The following NET1 variants were observed in gnomAD, a reference collection of about 807,000 sequenced individuals.
The protein encoded by NET1 is neuroepithelial cell transforming 1, also known as neuroepithelial cell-transforming gene 1 protein.
Under a neutral mutation model 61.1 loss-of-function variants are expected in NET1, and 42 were observed. The ratio of observed to expected loss-of-function variants is 0.69; its 90% confidence interval spans 0.54 to 0.89. NET1 has a LOEUF of 0.89. NET1 is among the 40% of genes least tolerant of loss of function. NET1 has a pLI of 0.00. For synonymous variants in NET1, 254 were observed against 281.8 expected (o/e 0.90, Z 0.99); for missense variants, 654 against 747.3 (o/e 0.88, Z 1.46).
rs901972536 is a variant in NET1, at chr10:5,426,818, G to A, written c.195+97G>A. 16 of 717,830 alleles carry A rather than the reference G, an allele frequency of 2.2e-5. No homozygotes were observed. The highest frequency in any genetic ancestry group is 5.5e-5 in the African/African-American group (3 of 54,874). 44.5% of individuals were successfully genotyped at this position (717,830 alleles called of 1,614,324 possible). A position where few individuals can be genotyped will look rare whatever the true frequency, so the allele number is the denominator to read the frequency against. ...ACACAGATCAGTGGTCCTTACTTCT[G>A]AGGGTCTTGAGGAACAGAATTCCTG... On this transcript the variant is annotated intron_variant, in intron 2 of 11. Coordinates refer to ENST00000355029, the MANE Select transcript of NET1 (RefSeq NM_001047160.3). This position sits in a 1 kb window ranked among gnomAD's most constrained non-coding sequence, Gnocchi z 4.6.
At chr10:5,413,178 C>T (rs1222315114) in intron 1 of NET1, among the ~76,000 whole-genome samples, 1 of 152,124 alleles carries the variant, frequency 6.6e-6, no homozygotes, top group Non-Finnish European at 1.5e-5. Context: ...TATTGAGTCT[C>T]CTCGCCTCCT....
At chr10:5,450,684 A>G (rs900992505) in intron 3 of NET1, among the ~76,000 whole-genome samples, 2 of 152,156 alleles carry the variant, frequency 1.3e-5, no homozygotes, top group African/African-American at 4.8e-5. Context: ...GTATGCCACA[A>G]TTGTCAGAAG....
intron 3 of NET1, among the ~76,000 whole-genome samples, chr10:5,448,767 A>T (rs1052772162): frequency 5.4e-5 from 8 of 149,366 alleles, no homozygotes; most frequent in African/African-American, 2.0e-4. Flanking sequence ...CAGGACTCCA[A>T]AGTAAAAAAT....
At chr10:5,445,379 G>A (rs2119201963) in intron 3 of NET1, among the ~76,000 whole-genome samples, 1 of 152,270 alleles carries the variant, frequency 6.6e-6, no homozygotes, top group East Asian at 1.9e-4. Flanking sequence ...ACACACCTTA[G>A]TTTTGAATTT....
Position 5,454,123 on chromosome 10 carries a change from C to T in NET1, c.769-142C>T, listed in dbSNP as rs1353612230. ...GATTGCTAAAATGCTATTCAGCTTC[C>T]ATTATTATCTGCCAGAAAATGTCCA... On this transcript the variant is annotated intron_variant, in intron 8 of 11. Transcript: ENST00000355029. The surrounding 1 kb of genome is among the most constrained non-coding windows in gnomAD (Gnocchi z 8.1). The T allele has an allele frequency of 4.3e-5, 37 of 859,676 alleles. No homozygotes were observed. The highest frequency in any genetic ancestry group is 6.7e-5 in the Non-Finnish European group (37 of 554,016). 53.3% of individuals were successfully genotyped at this position (859,676 alleles called of 1,614,324 possible). A position where few individuals can be genotyped will look rare whatever the true frequency, so the allele number is the denominator to read the frequency against.
chr10:5,445,686 T>C (rs1210596349), intron 3 of NET1, among the ~76,000 whole-genome samples: 1 of 152,214 alleles, frequency 6.6e-6, no homozygotes. Flanking sequence ...GTAGTGTTGT[T>C]CCATAGAGGA....
Position 5,446,550 on chromosome 10 carries a change from C to T in NET1, c.256-5280C>T. The T allele has an allele frequency of 8.7e-7, 1 of 1,151,918 alleles. No homozygotes were observed. The highest frequency in any genetic ancestry group is 1.1e-6 in the Non-Finnish European group (1 of 937,436). 71.4% of individuals were successfully genotyped at this position (1,151,918 alleles called of 1,614,324 possible). On this transcript the variant is annotated intron_variant, in intron 3 of 11. Transcript: ENST00000355029. The surrounding 1 kb of genome is among the most constrained non-coding windows in gnomAD (Gnocchi z 5.0). ...GGTGGTGGACCCCGCCCCCAGGGCC[C>T]GGTTGGCTGTGGCCCCGCCCCCGAG... is the stretch of plus-strand genomic sequence containing the variant.
At chr10:5,428,983 C>G (rs1003857541) in intron 2 of NET1, among the ~76,000 whole-genome samples, 187 bp from the exon 3 acceptor site, 2 of 152,020 alleles carry the variant, frequency 1.3e-5, no homozygotes, top group African/African-American at 4.8e-5. Context: ...ATCCGCCCTC[C>G]TCAGCCTCCT....
In NET1 at chr10:5,412,877, C is replaced by G. The variant is rs1832020781; in HGVS notation, c.128+57C>G. ...AGGTGAGTGTAGGGGAGCGGAGGGC[C>G]GAACGGGAGGTGAGTGTTGGAGAGG... On this transcript the variant is annotated intron_variant, in intron 1 of 11. Coordinates refer to ENST00000355029, the MANE Select transcript of NET1 (RefSeq NM_001047160.3). This position sits in a 1 kb window ranked among gnomAD's most constrained non-coding sequence, Gnocchi z 6.5. 3.5e-6 allele frequency: 4 copies of G among 1,149,542 alleles called. No individual in the cohort carries two copies. Among genetic ancestry groups the G allele is most frequent in the Non-Finnish European group, 4.3e-6 (4 of 930,740 alleles). 71.2% of individuals were successfully genotyped at this position (1,149,542 alleles called of 1,614,324 possible).
rs968915737 is a variant in NET1, at chr10:5,444,050, C to T, written c.256-7780C>T. Reference sequence around the variant, plus strand: ...GTCTAGCCTAGGCTGTTCATATTAGCTCTGAGAATGTAGGTAGATCACTGT... The same window carrying T: ...GTCTAGCCTAGGCTGTTCATATTAGTTCTGAGAATGTAGGTAGATCACTGT... On this transcript the variant is annotated intron_variant, in intron 3 of 11. Coordinates refer to ENST00000355029, the MANE Select transcript of NET1 (RefSeq NM_001047160.3). The surrounding 1 kb of genome is among the most constrained non-coding windows in gnomAD (Gnocchi z 5.3). Among the ~76,000 whole-genome samples, 1 of 152,200 alleles carries T rather than the reference C, an allele frequency of 6.6e-6. No homozygotes were observed. The highest frequency in any genetic ancestry group is 2.4e-5 in the African/African-American group (1 of 41,444).
At chr10:5,442,816 G>C (rs1464559127) in intron 3 of NET1, among the ~76,000 whole-genome samples, 1 of 151,070 alleles carries the variant, frequency 6.6e-6, no homozygotes, top group African/African-American at 2.4e-5. Context: ...GGCAGAGGTT[G>C]CAGTGAGCTG....
At chr10:5,414,862 G>T (rs762777059) in intron 1 of NET1, among the ~76,000 whole-genome samples, 1 of 152,154 alleles carries the variant, frequency 6.6e-6, no homozygotes, top group African/African-American at 2.4e-5. Context: ...AGAATGGGGT[G>T]TGTTGTGAGC....
In NET1 at chr10:5,447,514, A is replaced by G. The variant is rs1680037699; in HGVS notation, c.256-4316A>G. Reference sequence around the variant, plus strand: ...TTCTGTTTATACTATATACTTTAATATATACTACATTGTCACTTATATGCT... The same window carrying G: ...TTCTGTTTATACTATATACTTTAATGTATACTACATTGTCACTTATATGCT... On this transcript the variant is annotated intron_variant, in intron 3 of 11. Coordinates refer to ENST00000355029, the MANE Select transcript of NET1 (RefSeq NM_001047160.3). The surrounding 1 kb of genome is among the most constrained non-coding windows in gnomAD (Gnocchi z 4.1). 6.6e-6 allele frequency among the ~76,000 whole-genome samples: 1 copy of G among 152,176 alleles called. No individual in the cohort carries two copies. Among genetic ancestry groups the G allele is most frequent in the Non-Finnish European group, 1.5e-5 (1 of 68,032 alleles).
chr10:5,419,014 G>T (rs1478845840), intron 1 of NET1, among the ~76,000 whole-genome samples: 1 of 152,026 alleles, frequency 6.6e-6, no homozygotes, highest in Non-Finnish European at 1.5e-5. Flanking sequence ...AATACACTTT[G>T]TATTATGTAT....
Position 5,454,683 on chromosome 10 carries a change from G to A in NET1, c.1026+161G>A, listed in dbSNP as rs1362530166. Among the ~76,000 whole-genome samples, 4 of 152,250 alleles carry A rather than the reference G, an allele frequency of 2.6e-5. No individual in the cohort carries two copies. In the East Asian group the frequency reaches 7.7e-4, roughly 29 times the overall value. On this transcript the variant is annotated intron_variant, in intron 9 of 11. Transcript: ENST00000355029. The surrounding 1 kb of genome is among the most constrained non-coding windows in gnomAD (Gnocchi z 8.1). The stretch of plus-strand genomic sequence containing the variant: ...TACGCTGTGCACTAAGCAATAAGGA[G>A]CTGTGTATGCTGGACTTCGCACATT...
rs1432995584 is a variant in NET1 at position 5,431,828 on chromosome 10, T to C, written c.255+2599T>C. ...TATGTTGGCCAGGAAGGCCTCAAAT[T>C]CCTAGTCTCAAGCAGTGCTCCTACC... On this transcript the variant is annotated intron_variant, in intron 3 of 11. Transcript: ENST00000355029. This position sits in a 1 kb window ranked among gnomAD's most constrained non-coding sequence, Gnocchi z 4.9. Among the ~76,000 whole-genome samples, 2 of 152,138 alleles carry C rather than the reference T, an allele frequency of 1.3e-5. No homozygotes were observed. The highest frequency in any genetic ancestry group is 2.9e-5 in the Non-Finnish European group (2 of 68,028).
At position 5,446,963 on chromosome 10, in the gene NET1, CTTA is replaced by C. The variant is rs768108973; in HGVS notation, c.256-4860_256-4858del. 1.8e-5 allele frequency: 14 copies of C among 796,938 alleles called. No homozygotes were observed. The highest frequency in any genetic ancestry group is 6.3e-5 in the Admixed American group (2 of 31,912). 49.4% of individuals were successfully genotyped at this position (796,938 alleles called of 1,614,324 possible). Reference sequence around the variant, plus strand: ...AACAGTATAATTTTAAACTTTTGATCTTATTATTACAATGTATGTTCTTGATTT... The same window carrying C: ...AACAGTATAATTTTAAACTTTTGATCTTATTACAATGTATGTTCTTGATTT... On this transcript the variant is annotated intron_variant, in intron 3 of 11. Coordinates refer to ENST00000355029, the MANE Select transcript of NET1 (RefSeq NM_001047160.3). The surrounding 1 kb of genome is among the most constrained non-coding windows in gnomAD (Gnocchi z 5.0).
rs1832109034 is a variant in NET1, at chr10:5,417,951, A to T, written c.128+5131A>T. On this transcript the variant is annotated intron_variant, in intron 1 of 11. Coordinates refer to ENST00000355029, the MANE Select transcript of NET1 (RefSeq NM_001047160.3). The surrounding 1 kb of genome is among the most constrained non-coding windows in gnomAD (Gnocchi z 5.5). ...GTTGTTGTTATTACTGATGTGTTACATTAATTGATTTTTTGGGATGTTAAA... is the reference window on the plus strand; with the variant it reads ...GTTGTTGTTATTACTGATGTGTTACTTTAATTGATTTTTTGGGATGTTAAA... Among the ~76,000 whole-genome samples, 1 of 152,108 alleles carries T rather than the reference A, an allele frequency of 6.6e-6. No homozygotes were observed. Among genetic ancestry groups the T allele is most frequent in the Admixed American group, 6.6e-5 (1 of 15,264 alleles).
intron 1 of NET1, among the ~76,000 whole-genome samples, chr10:5,425,695 A>C (rs1441737420): frequency 6.6e-6 from 1 of 151,982 alleles, no homozygotes; most frequent in East Asian, 1.9e-4. Context: ...GAAACTTCAC[A>C]CTCGTCTACC....
Sources: gnomAD v4.1 joint callset for allele counts (sites outside exome capture counted in the v4.1 genomes callset) on GRCh38, gnomAD v4.1.1 for gene constraint, Gnocchi (gnomAD v3.1) non-coding constraint, MANE v1.5 for transcripts, NCBI Gene and HGNC (gene_info 2026-07-23, HGNC 2026-07-21) for gene names.